Variants in PSMD12 observed in about 807,000 individuals in gnomAD.
PSMD12 encodes the protein 26S proteasome non-ATPase regulatory subunit 12.
PSMD12 carries 8 observed loss-of-function variants against 62.9 expected under a neutral mutation model. The ratio of observed to expected loss-of-function variants is 0.13; its 90% CI spans 0.07 to 0.23. The LOEUF (loss-of-function observed/expected upper bound fraction) is 0.23. PSMD12 is among the 10% of genes least tolerant of loss of function. The pLI is 1.00. For missense variants in PSMD12, 424 were observed against 550.2 expected, an observed-to-expected ratio of 0.77 and a Z score of 2.29; for synonymous variants, 173 against 187.4, an observed-to-expected ratio of 0.92 and a Z score of 0.63.
At chr17:67,356,490 G>T (rs1259189071) in intron 3 of PSMD12, among the ~76,000 whole-genome samples, 1 of 137,406 alleles carries the variant, frequency 7.3e-6, no homozygotes, top group Non-Finnish European at 1.5e-5. Context: ...CCCGGGAGGC[G>T]GAGCTTGCAG....
intron 4 of PSMD12, 85 bp downstream of exon 4, chr17:67,350,144 T>C: frequency 1.3e-6 from 1 of 786,380 alleles, no homozygotes; most frequent in East Asian, 3.1e-5. Flanking sequence ...CATAAAAATA[T>C]ACAAAATATC....
intron 9 of PSMD12, among the ~76,000 whole-genome samples, chr17:67,343,099 G>T (rs2041930805): frequency 6.6e-6 from 1 of 151,966 alleles, no homozygotes; most frequent in Admixed American, 6.6e-5. Flanking sequence ...CTTATTGGTA[G>T]TATTATTAAC....
Position 67,366,454 on chromosome 17 carries a change from G to A in PSMD12, c.66C>T (p.Ala22=), listed in dbSNP as rs754474820. Residue 22 remains alanine (A), a synonymous_variant, in exon 1 of 11, where the codon GCC becomes GCT. Coordinates refer to ENST00000356126, the MANE Select transcript of PSMD12 (RefSeq NM_002816.5). ...ACTCGGGTAGGCGCTGATCCACCGT[G>A]GCGCTGTAGTCCACCTCCATCTTGA... The part of the protein sequence containing the change: ...RIVKMEVDYS[A]TVDQRLPECA... 9.3e-6 allele frequency: 15 copies of A among 1,612,416 alleles called. No homozygotes were observed. The South Asian group carries it at 1.5e-4, about 17-fold the overall frequency.
intron 1 of PSMD12, among the ~76,000 whole-genome samples, chr17:67,360,941 T>C (rs1192944390): frequency 6.6e-6 from 1 of 152,192 alleles, no homozygotes; most frequent in Non-Finnish European, 1.5e-5. Context: ...TTTCAAATCA[T>C]CCCCCTTTTT....
At chr17:67,356,102 C>T (rs1005671671) in intron 3 of PSMD12, among the ~76,000 whole-genome samples, 2 of 151,952 alleles carry the variant, frequency 1.3e-5, no homozygotes, top group African/African-American at 4.8e-5. Flanking sequence ...GTTGGGTCAT[C>T]CTGGAAATGC....
At chr17:67,350,011 G>C (rs917749721) in intron 4 of PSMD12, among the ~76,000 whole-genome samples, 6 of 151,874 alleles carry the variant, frequency 4.0e-5, no homozygotes, top group African/African-American at 1.2e-4. Context: ...CCAATTCCCA[G>C]AAAAATCTAG....
chr17:67,365,453 G>A (rs2042170406), intron 1 of PSMD12, among the ~76,000 whole-genome samples: 1 of 152,140 alleles, frequency 6.6e-6, no homozygotes, highest in African/African-American at 2.4e-5. Flanking sequence ...TGTAAGCACG[G>A]TGCCTGACAC....
In PSMD12 at chr17:67,357,294, T is replaced by C. The variant is rs377686887; in HGVS notation, c.297+9A>G. ...TTTGTGTTTGGAGCAGACATGATCA[T>C]GAACTCACTTGTTTTAACTGACTCC... is the stretch of plus-strand genomic sequence containing the variant. On this transcript the variant is annotated intron_variant, in intron 3 of 10. Coordinates refer to ENST00000356126, the MANE Select transcript of PSMD12 (RefSeq NM_002816.5). 220 of 1,609,080 alleles carry C rather than the reference T, an allele frequency of 1.4e-4. No homozygotes were observed. Among genetic ancestry groups the C allele is most frequent in the Non-Finnish European group, 1.7e-4 (195 of 1,178,918 alleles).
At chr17:67,365,612 C>T (rs560469658) in intron 1 of PSMD12, among the ~76,000 whole-genome samples, 5 of 152,312 alleles carry the variant, frequency 3.3e-5, no homozygotes, top group African/African-American at 1.2e-4. Flanking sequence ...AGCAAGCATA[C>T]TGAACCTAAG....
At chr17:67,341,594 T>G (rs1000205906) in intron 10 of PSMD12, among the ~76,000 whole-genome samples, 1 of 151,678 alleles carries the variant, frequency 6.6e-6, no homozygotes, top group South Asian at 2.1e-4. Flanking sequence ...TGAGTTTGAA[T>G]CTGCCTCCTT....
At chr17:67,365,184 C>CA (rs891969142) in intron 1 of PSMD12, among the ~76,000 whole-genome samples, 2,750 of 54,022 alleles carry the variant, frequency 0.051, 47 homozygotes, top group Non-Finnish European at 0.072. Flanking sequence ...AACTCCGTCT[C>CA]AAAAAAAAAA....
chr17:67,346,593 CA>C (rs1437609830), intron 7 of PSMD12, among the ~76,000 whole-genome samples: 3 of 151,474 alleles, frequency 2.0e-5, no homozygotes, highest in Admixed American at 1.3e-4. Context: ...AATAAACAAA[CA>C]AAAAAAAGTC....
At chr17:67,363,622 G>A (rs1389535854) in intron 1 of PSMD12, among the ~76,000 whole-genome samples, 6 of 152,038 alleles carry the variant, frequency 3.9e-5, no homozygotes, top group Non-Finnish European at 7.4e-5. Flanking sequence ...ATAACAAGAC[G>A]TTCTTCATAG....
In PSMD12 at chr17:67,340,582, A is replaced by G; in HGVS notation, c.*261T>C. 3.0e-6 allele frequency: 1 copy of G among 332,898 alleles called. No individual in the cohort carries two copies. Among genetic ancestry groups the G allele is most frequent in the East Asian group, 5.4e-5 (1 of 18,506 alleles). 20.6% of individuals were successfully genotyped at this position (332,898 alleles called of 1,614,324 possible). ...ACAGTAGCTAAAAAGGTTTCAAATG[A>G]TAGAAAAACATATCTGGGTAAGTTA... On this transcript the variant is annotated 3_prime_UTR_variant, in exon 11 of 11. Coordinates refer to ENST00000356126, the MANE Select transcript of PSMD12 (RefSeq NM_002816.5).
intron 1 of PSMD12, among the ~76,000 whole-genome samples, chr17:67,358,053 G>A (rs2143726368): frequency 6.6e-6 from 1 of 152,090 alleles, no homozygotes; most frequent in South Asian, 2.1e-4. Flanking sequence ...TCCGGAGCAG[G>A]TGGGACTACA....
rs1422682990 is a variant in PSMD12 at position 67,348,609 on chromosome 17, T to C, written c.451A>G (p.Thr151Ala). The change falls in exon 5 of 11, where the codon ACT (threonine) becomes GCT (alanine). Residue 151 changes from threonine (T) to alanine (A), a missense_variant. Coordinates refer to ENST00000356126, the MANE Select transcript of PSMD12 (RefSeq NM_002816.5). ...ERARLTKTLA[T>A]IKEQNGDVKE... ...ACATCACCATTTTGTTCTTTTATAGTTGCTAATGTTTTAGTCAGTCGCGCA... is the reference window on the plus strand; with the variant it reads ...ACATCACCATTTTGTTCTTTTATAGCTGCTAATGTTTTAGTCAGTCGCGCA... 2 of 1,613,806 alleles carry C rather than the reference T, an allele frequency of 1.2e-6. No homozygotes were observed. The highest frequency in any genetic ancestry group is 1.7e-5 in the Admixed American group (1 of 60,010).
intron 1 of PSMD12, among the ~76,000 whole-genome samples, chr17:67,360,852 G>T (rs972072270): frequency 6.6e-6 from 1 of 152,194 alleles, no homozygotes; most frequent in Non-Finnish European, 1.5e-5. Context: ...CAATAAGCAG[G>T]ATGTGACAAA....
chr17:67,345,670 C>T, intron 8 of PSMD12, 75 bp downstream of exon 8: 2 of 1,226,910 alleles, frequency 1.6e-6, no homozygotes, highest in East Asian at 2.4e-5. Flanking sequence ...CAGAAGTATA[C>T]ACTTAGGTTA....
rs1348237767 is a variant in PSMD12, at chr17:67,340,722, AT to A, written c.*120del. On this transcript the variant is annotated 3_prime_UTR_variant, in exon 11 of 11. Coordinates refer to ENST00000356126, the MANE Select transcript of PSMD12 (RefSeq NM_002816.5). ...AAAGGTCAAAGGGAGTCTCAAACAT[AT>A]TCACTATTTTAAAATTTAAGACAAA... 11 of 725,216 alleles carry A rather than the reference AT, an allele frequency of 1.5e-5. No individual in the cohort carries two copies. 44.9% of individuals were successfully genotyped at this position (725,216 alleles called of 1,614,324 possible).
Sources: gnomAD v4.1 joint callset for allele counts (sites outside exome capture counted in the v4.1 genomes callset) on GRCh38, gnomAD v4.1.1 for gene constraint, MANE v1.5 for transcripts, NCBI Gene and HGNC (gene_info 2026-07-23, HGNC 2026-07-21) for gene names.